NELL1: variants seen among roughly 807,000 people sequenced by gnomAD.
NELL1 encodes the protein protein kinase C-binding protein NELL1.
A neutral mutation model predicts 107.4 loss-of-function variants in NELL1; 76 were observed. That is an observed-to-expected ratio of 0.71 (90% CI 0.59 to 0.86). The LOEUF is 0.86. Ranked by LOEUF, NELL1 falls within the 40% of genes least tolerant of loss-of-function variation. The probability of loss-of-function intolerance (pLI) is 0.00; values close to 1 mark genes in which losing one functional copy is unlikely to be tolerated. For synonymous variants in NELL1, 353 were observed against 341.2 expected (o/e 1.03, Z -0.38); for missense variants, 1,024 against 1,005.5 (o/e 1.02, Z -0.25).
At chr11:20,704,756 A>G (rs1196355650) in intron 2 of NELL1, among the ~76,000 whole-genome samples, 1 of 152,124 alleles carries the variant, frequency 6.6e-6, no homozygotes, top group Admixed American at 6.6e-5. Flanking sequence ...TTTCTCCTTC[A>G]CTTACGAAGC....
chr11:20,957,809 A>C (rs1330193648), intron 11 of NELL1, among the ~76,000 whole-genome samples: 3 of 152,178 alleles, frequency 2.0e-5, no homozygotes, highest in African/African-American at 7.2e-5. Flanking sequence ...TCAAGACAGA[A>C]TTAATAAACT....
intron 2 of NELL1, among the ~76,000 whole-genome samples, chr11:20,705,555 A>C (rs1590220143): frequency 1.4e-5 from 2 of 143,468 alleles, no homozygotes; most frequent in East Asian, 3.9e-4. Context: ...CTAAAACCAT[A>C]AAAACCCTAG....
At chr11:20,919,871 C>T (rs938926417) in intron 7 of NELL1, among the ~76,000 whole-genome samples, 11 of 152,076 alleles carry the variant, frequency 7.2e-5, no homozygotes, top group Admixed American at 3.9e-4. Context: ...TTTATAATTC[C>T]GCACCTTTTC....
intron 15 of NELL1, among the ~76,000 whole-genome samples, chr11:21,510,392 T>G (rs1855405905): frequency 1.3e-5 from 2 of 152,206 alleles, no homozygotes; most frequent in Admixed American, 6.5e-5. Flanking sequence ...AATTTTTATT[T>G]CTGTTCACTG....
intron 12 of NELL1, among the ~76,000 whole-genome samples, chr11:20,995,405 C>T (rs1277338444): frequency 6.6e-6 from 1 of 151,876 alleles, no homozygotes; most frequent in Non-Finnish European, 1.5e-5. Flanking sequence ...GGTGAAACCC[C>T]GTCTCTACTA....
chr11:21,153,598 T>C (rs950591597), intron 13 of NELL1, among the ~76,000 whole-genome samples: 1 of 152,100 alleles, frequency 6.6e-6, no homozygotes. Context: ...GCACTTATAG[T>C]TCCCAGTACT....
intron 14 of NELL1, among the ~76,000 whole-genome samples, chr11:21,315,281 G>A (rs1330875754): frequency 1.3e-5 from 2 of 152,310 alleles, no homozygotes; most frequent in East Asian, 3.9e-4. Context: ...TAAACTATGT[G>A]TCACAGAACT....
At chr11:20,938,420 A>G (rs1473311750) in intron 10 of NELL1, among the ~76,000 whole-genome samples, 1 of 152,218 alleles carries the variant, frequency 6.6e-6, no homozygotes, top group Admixed American at 6.5e-5. Flanking sequence ...CTGTCTTTAT[A>G]GAACTTGCAG....
intron 14 of NELL1, among the ~76,000 whole-genome samples, chr11:21,237,265 C>T (rs980620985): frequency 1.3e-5 from 2 of 152,048 alleles, no homozygotes. Flanking sequence ...AAACAACATA[C>T]ATTTTCTGTA....
intron 14 of NELL1, among the ~76,000 whole-genome samples, chr11:21,256,484 C>T (rs759047814): frequency 2.6e-5 from 4 of 151,978 alleles, no homozygotes; most frequent in African/African-American, 7.2e-5. Flanking sequence ...TTTCTTTGGC[C>T]TCACGTCATA....
intron 14 of NELL1, among the ~76,000 whole-genome samples, chr11:21,300,637 T>C (rs1457344683): frequency 5.9e-5 from 9 of 152,022 alleles, no homozygotes; most frequent in Non-Finnish European, 1.3e-4. Flanking sequence ...ACTTTTCTCA[T>C]GTGTGAGTCT....
chr11:21,148,629 C>T (rs1202787231), intron 13 of NELL1, among the ~76,000 whole-genome samples: 1 of 152,150 alleles, frequency 6.6e-6, no homozygotes, highest in Non-Finnish European at 1.5e-5. Context: ...GTACTTTTCA[C>T]CCACTGAAAG....
chr11:21,237,992 G>A (rs2133894292), intron 14 of NELL1, among the ~76,000 whole-genome samples: 1 of 152,090 alleles, frequency 6.6e-6, no homozygotes, highest in East Asian at 1.9e-4. Context: ...GATTTCTCCA[G>A]AGTTATGTAA....
chr11:21,218,346 A>AT (rs1406764868), intron 13 of NELL1, among the ~76,000 whole-genome samples: 2 of 152,114 alleles, frequency 1.3e-5, no homozygotes, highest in African/African-American at 2.4e-5. Flanking sequence ...CAATTTTTAA[A>AT]TTTTTTTAAA....
intron 3 of NELL1, among the ~76,000 whole-genome samples, chr11:20,846,077 A>G (rs1368293485): frequency 6.6e-6 from 1 of 152,212 alleles, no homozygotes. Flanking sequence ...GCAGTCTTAT[A>G]AAGTATGTAT....
rs543214834 is a variant in NELL1, at chr11:21,464,233, A to G, written c.1646-70141A>G. ...AATATACTCCCCTCTTTTTCTGGAA[A>G]GTGTCAAAAAATTGTGGCTATGTTT... is the stretch of plus-strand genomic sequence containing the variant. On this transcript the variant is annotated intron_variant, in intron 15 of 19. Transcript: ENST00000357134. Among the ~76,000 whole-genome samples, 3 of 152,188 alleles carry G rather than the reference A, an allele frequency of 2.0e-5. No individual in the cohort carries two copies. In the East Asian group the frequency reaches 5.8e-4, roughly 29 times the overall value.
intron 4 of NELL1, among the ~76,000 whole-genome samples, chr11:20,881,969 C>T (rs1022324576): frequency 2.3e-4 from 35 of 152,330 alleles, no homozygotes; most frequent in African/African-American, 8.4e-4. Context: ...GCTCAGTTTC[C>T]TTACCACACT....
intron 3 of NELL1, among the ~76,000 whole-genome samples, chr11:20,801,557 T>TC (rs34180136): frequency 6.6e-6 from 1 of 152,222 alleles, no homozygotes; most frequent in Admixed American, 6.5e-5. Flanking sequence ...GTTTCCCTTT[T>TC]CCGTAAAGAG....
intron 14 of NELL1, among the ~76,000 whole-genome samples, chr11:21,368,646 C>G (rs1467833060): frequency 6.6e-6 from 1 of 151,962 alleles, no homozygotes; most frequent in Non-Finnish European, 1.5e-5. Flanking sequence ...ATGAAAACTA[C>G]CCTTGTTAGG....
Sources: allele counts gnomAD v4.1 joint callset (sites outside exome capture counted in the v4.1 genomes callset), GRCh38; gene constraint gnomAD v4.1.1; transcripts MANE v1.5; gene names NCBI Gene and HGNC (gene_info 2026-07-23, HGNC 2026-07-21).